LRCH4: variants seen among roughly 807,000 people sequenced by gnomAD.
LRCH4 encodes the protein leucine rich repeats and calponin homology domain containing 4, also known as leucine-rich repeat and calponin homology domain-containing protein 4.
In LRCH4, 56 loss-of-function variants were observed where a neutral mutation model predicts 81.2. That is an observed-to-expected ratio of 0.69 (90% CI 0.56 to 0.86). The LOEUF is 0.86. Ranked by LOEUF, LRCH4 falls within the 40% of genes least tolerant of loss-of-function variation. The pLI is 0.00. For missense variants in LRCH4, 895 were observed against 922.8 expected (o/e 0.97, Z 0.39); for synonymous variants, 442 against 409.7 (o/e 1.08, Z -0.95).
Position 100,575,083 on chromosome 7 carries a change from G to T in LRCH4, c.*24C>A, listed in dbSNP as rs1473575028. 2 of 1,593,082 alleles carry T rather than the reference G, an allele frequency of 1.3e-6. No homozygotes were observed. On this transcript the variant is annotated 3_prime_UTR_variant, in exon 18 of 18. Coordinates refer to ENST00000310300, the MANE Select transcript of LRCH4 (RefSeq NM_002319.5). This position sits in a 1 kb window ranked among gnomAD's most constrained non-coding sequence, Gnocchi z 5.3. ...TATAAATAGAGAGGAAGGGAAAGGG[G>T]TGAGGGAGGGCCGATTTTGGGGCCT...
At position 100,574,996 on chromosome 7, in the gene LRCH4, G is replaced by T. The variant is rs1032918102; in HGVS notation, c.*111C>A. 22 of 1,008,922 alleles carry T rather than the reference G, an allele frequency of 2.2e-5. No individual in the cohort carries two copies. Among genetic ancestry groups the T allele is most frequent in the Non-Finnish European group, 2.9e-5 (20 of 691,100 alleles). The allele number at this position is 1,008,922 out of a possible 1,614,324, so 62.5% of individuals were successfully genotyped here. ...TGAGGTCAGTGTCTGTGAAGGGGGT[G>T]CACTAGTGTCTTTGGTTGGGGCTGA... is the stretch of plus-strand genomic sequence containing the variant. On this transcript the variant is annotated 3_prime_UTR_variant, in exon 18 of 18. Coordinates refer to ENST00000310300, the MANE Select transcript of LRCH4 (RefSeq NM_002319.5).
rs1193775558 is a variant in LRCH4, at chr7:100,581,867, C to A, written c.508G>T (p.Glu170Ter). Residue 170 changes from glutamate (E) to a stop codon, truncating the protein, a stop_gained, in exon 4 of 18, where the codon GAG (glutamate) becomes TAG (stop). Transcript: ENST00000310300. LOFTEE classifies it high-confidence loss of function. ...AGTTCCGAGGGCAGGGATTGGAGCT[C>A]GTTGCTGCTCACGTCCTGGTATCAG... ...SLRQLDVSSN[E>*]LQSLPSELCG... 1 of 1,613,996 alleles carries A rather than the reference C, an allele frequency of 6.2e-7. No homozygotes were observed. Among genetic ancestry groups the A allele is most frequent in the African/African-American group, 1.3e-5 (1 of 74,912 alleles).
In LRCH4 at chr7:100,576,973, C is replaced by A. The variant is rs748110103; in HGVS notation, c.1397G>T (p.Gly466Val). 2.5e-6 allele frequency: 4 copies of A among 1,601,280 alleles called. No homozygotes were observed. The highest frequency in any genetic ancestry group is 3.4e-6 in the Non-Finnish European group (4 of 1,171,372). Reference protein sequence around the residue: ...GSPKSSASQAGAAAGQGAPAP... With the variant: ...GSPKSSASQAVAAAGQGAPAP... Reference sequence around the variant, plus strand: ...GGGGGCTCCCTGCCCCGCTGCAGCCCCTGCTTGGGAGGCACTGGACTTAGG... The same window carrying A: ...GGGGGCTCCCTGCCCCGCTGCAGCCACTGCTTGGGAGGCACTGGACTTAGG... Residue 466 changes from glycine (G) to valine (V), a missense_variant, in exon 13 of 18, where the codon GGG (glycine) becomes GTG (valine). Gly to Val is a moderately radical substitution (Grantham distance 109, BLOSUM62 -3). Coordinates refer to ENST00000310300, the MANE Select transcript of LRCH4 (RefSeq NM_002319.5).
In LRCH4 at chr7:100,586,033, G is replaced by C; in HGVS notation, c.68C>G (p.Pro23Arg). The change falls in exon 1 of 18, where the codon CCC becomes CGC. Residue 23 changes from proline to arginine, a missense_variant. Physicochemically the swap from Pro to Arg is moderately radical, Grantham distance 103. Transcript: ENST00000310300. The stretch of plus-strand genomic sequence containing the variant: ...TCTCCCCGGCAGACCTGGAGACCCG[G>C]GCACGGAGGTCGTGGCTGCCGCCTC... ...GEEAAATTSV[P>R]GSPGLPGRRS... The C allele has an allele frequency of 6.3e-7, 1 of 1,599,290 alleles. No individual in the cohort carries two copies. The highest frequency in any genetic ancestry group is 2.3e-5 in the East Asian group (1 of 43,940).
chr7:100,581,384 G>A (rs914061326), intron 4 of LRCH4, among the ~76,000 whole-genome samples: 5 of 152,226 alleles, frequency 3.3e-5, no homozygotes, highest in African/African-American at 9.6e-5. Flanking sequence ...GTTATGGACT[G>A]AAATGTGTCA....
chr7:100,585,154 C>A (rs1562811083), intron 1 of LRCH4: 1 of 197,378 alleles, frequency 5.1e-6, no homozygotes, highest in Non-Finnish European at 1.1e-5. Context: ...AGTCCCTCCC[C>A]CGGGGGAAAG....
chr7:100,574,253 T>C lies in LRCH4; in HGVS notation c.*854A>G. On this transcript the variant is annotated 3_prime_UTR_variant, in exon 18 of 18. Coordinates refer to ENST00000310300, the MANE Select transcript of LRCH4 (RefSeq NM_002319.5). ...GGCCCTGTGCCCCCACCTTCACCCC[T>C]AAGGCCGGTCCAGCAGGGCGTGGAC... 1 of 194,052 alleles carries C rather than the reference T, an allele frequency of 5.2e-6. No individual in the cohort carries two copies. The highest frequency in any genetic ancestry group is 1.1e-5 in the Non-Finnish European group (1 of 89,662). 12.0% of individuals were successfully genotyped at this position (194,052 alleles called of 1,614,324 possible).
chr7:100,581,024 TG>T (rs1288261614), intron 4 of LRCH4, among the ~76,000 whole-genome samples: 1 of 152,224 alleles, frequency 6.6e-6, no homozygotes, highest in Non-Finnish European at 1.5e-5. Context: ...ATGGGCCACC[TG>T]GGCTCTGGCA....
rs1440171980 is a variant in LRCH4, at chr7:100,578,180, G to A, written c.927C>T (p.Ser309=). ...DSGFHSVDSG[S]KRWSGNESTD... ...TTACCTCATTTCCAGACCACCTCTT[G>A]CTGCCACTATCAACGCTGTGGAAGC... is the stretch of plus-strand genomic sequence containing the variant. The change falls in exon 7 of 18, where the codon AGC becomes AGT. Residue 309 remains serine, a synonymous_variant. Coordinates refer to ENST00000310300, the MANE Select transcript of LRCH4 (RefSeq NM_002319.5). The surrounding 1 kb of genome is among the most constrained non-coding windows in gnomAD (Gnocchi z 5.7). 6.2e-7 allele frequency: 1 copy of A among 1,614,110 alleles called. No individual in the cohort carries two copies. Among genetic ancestry groups the A allele is most frequent in the South Asian group, 1.1e-5 (1 of 91,080 alleles).
chr7:100,576,582 C>G, intron 14 of LRCH4, 112 bp downstream of exon 14: 5 of 963,058 alleles, frequency 5.2e-6, no homozygotes, highest in Admixed American at 5.0e-5. Context: ...GGATTTTCAA[C>G]GCAAAGGTAC....
Position 100,582,196 on chromosome 7 carries a change from G to A in LRCH4, c.366-29C>T. 6.2e-7 allele frequency: 1 copy of A among 1,613,450 alleles called. No homozygotes were observed. Among genetic ancestry groups the A allele is most frequent in the Non-Finnish European group, 8.5e-7 (1 of 1,179,888 alleles). The stretch of plus-strand genomic sequence containing the variant: ...TGGAAGGGAGAAAGGCAGCGGACTG[G>A]CTCCCCAGGCATGGCATCCCAGCAC... On this transcript the variant is annotated intron_variant, in intron 2 of 17. Coordinates refer to ENST00000310300, the MANE Select transcript of LRCH4 (RefSeq NM_002319.5). This position sits in a 1 kb window ranked among gnomAD's most constrained non-coding sequence, Gnocchi z 5.0.
At position 100,577,048 on chromosome 7, in the gene LRCH4, G is replaced by C. The variant is rs1336855205; in HGVS notation, c.1364+38C>G. 5.0e-6 allele frequency: 8 copies of C among 1,614,066 alleles called. No homozygotes were observed. Among genetic ancestry groups the C allele is most frequent in the Non-Finnish European group, 5.9e-6 (7 of 1,179,906 alleles). Reference sequence around the variant, plus strand: ...GGAATTAGAGGGATGATGGTCATAGGAAGAGGAGTGGGGAGGGGATGCTGG... The same window carrying C: ...GGAATTAGAGGGATGATGGTCATAGCAAGAGGAGTGGGGAGGGGATGCTGG... On this transcript the variant is annotated intron_variant, in intron 12 of 17. Transcript: ENST00000310300. The surrounding 1 kb of genome is among the most constrained non-coding windows in gnomAD (Gnocchi z 6.7).
At chr7:100,581,939 C>T (rs1370649170) in intron 3 of LRCH4, 57 bp from the exon 4 acceptor site, 1 of 1,609,778 alleles carries the variant, frequency 6.2e-7, no homozygotes, top group African/African-American at 1.3e-5. Context: ...CAGAACCCAC[C>T]CTCCCATCTC....
chr7:100,582,162 T>C lies in LRCH4; in HGVS notation c.371A>G (p.Asn124Ser), dbSNP rs1469307623. 2.5e-6 allele frequency: 4 copies of C among 1,613,298 alleles called. No individual in the cohort carries two copies. Among genetic ancestry groups the C allele is most frequent in the Non-Finnish European group, 8.5e-7 (1 of 1,179,896 alleles). The stretch of plus-strand genomic sequence containing the variant: ...GTAGGGTGGCAGCAGCGACAGCTGG[T>C]TTCGGCTGTGGAAGGGAGAAAGGCA... ...TALTYLNLSRNQLSLLPPYIC... is the reference protein window; with the variant it reads ...TALTYLNLSRSQLSLLPPYIC... The change falls in exon 3 of 18, where the codon AAC becomes AGC. Residue 124 changes from asparagine to serine, a missense_variant. Physicochemically the swap from Asn to Ser is conservative, Grantham distance 46 (BLOSUM62 1). Around this residue, in one of 3 missense-constraint regions of LRCH4, gnomAD observed 360 missense variants for 397.0 expected, o/e 0.91. Transcript: ENST00000310300. This position sits in a 1 kb window ranked among gnomAD's most constrained non-coding sequence, Gnocchi z 5.0.
At position 100,574,794 on chromosome 7, in the gene LRCH4, A is replaced by C; in HGVS notation, c.*313T>G. 3 of 306,464 alleles carry C rather than the reference A, an allele frequency of 9.8e-6. No homozygotes were observed. The highest frequency in any genetic ancestry group is 7.5e-5 in the South Asian group (1 of 13,350). The allele number at this position is 306,464 out of a possible 1,614,324, so 19.0% of individuals were successfully genotyped here. Reference sequence around the variant, plus strand: ...GCTGTTGGGGGGGGAAGGGGAGGGCACAGGAGGAAGGGGGAGACTCCAGCT... The same window carrying C: ...GCTGTTGGGGGGGGAAGGGGAGGGCCCAGGAGGAAGGGGGAGACTCCAGCT... On this transcript the variant is annotated 3_prime_UTR_variant, in exon 18 of 18. Transcript: ENST00000310300.
chr7:100,577,824 G>A lies in LRCH4; in HGVS notation c.1037C>T (p.Ser346Leu). 6.2e-7 allele frequency: 1 copy of A among 1,612,882 alleles called. No homozygotes were observed. Among genetic ancestry groups the A allele is most frequent in the South Asian group, 1.1e-5 (1 of 91,004 alleles). The change falls in exon 8 of 18, where the codon TCA (serine) becomes TTA (leucine). Residue 346 changes from serine to leucine, a missense_variant and splice_region_variant. Ser to Leu is a moderately radical substitution (Grantham distance 145, BLOSUM62 -2). Coordinates refer to ENST00000310300, the MANE Select transcript of LRCH4 (RefSeq NM_002319.5). This position sits in a 1 kb window ranked among gnomAD's most constrained non-coding sequence, Gnocchi z 6.7. ...TCCCGGCCAGCCCTGCTACTCACCT[G>A]AGCCATCCTCCTTGCGTTCTCTGGG... Reference protein sequence around the residue: ...RGPRERKEDGSADGDPVQIDF... With the variant: ...RGPRERKEDGLADGDPVQIDF...
At position 100,586,022 on chromosome 7, in the gene LRCH4, CTGGA is replaced by C. The variant is rs1801734213; in HGVS notation, c.75_78del (p.Pro26ValfsTer12). 2.5e-6 allele frequency: 4 copies of C among 1,604,806 alleles called. No homozygotes were observed. The highest frequency in any genetic ancestry group is 3.4e-6 in the Non-Finnish European group (4 of 1,175,902). On this transcript the variant is annotated frameshift_variant, in exon 1 of 18. Coordinates refer to ENST00000310300, the MANE Select transcript of LRCH4 (RefSeq NM_002319.5). LOFTEE classifies it high-confidence loss of function. ...TCTGCACTGCGTCTCCCCGGCAGACCTGGAGACCCGGGCACGGAGGTCGTGGCTG... is the reference window on the plus strand; with the variant it reads ...TCTGCACTGCGTCTCCCCGGCAGACCGACCCGGGCACGGAGGTCGTGGCTG...
Position 100,575,553 on chromosome 7 carries a change from G to T in LRCH4, c.1854+152C>A, listed in dbSNP as rs1584402745. 2.1e-6 allele frequency: 2 copies of T among 967,714 alleles called. No individual in the cohort carries two copies. Among genetic ancestry groups the T allele is most frequent in the East Asian group, 4.8e-5 (2 of 41,922 alleles). The allele number at this position is 967,714 out of a possible 1,614,324, so 59.9% of individuals were successfully genotyped here. A position where few individuals can be genotyped will look rare whatever the true frequency, so the allele number is the denominator to read the frequency against. ...GGACAGGTGACATGCAGGGCAGGGG[G>T]CATGCAGGGCAGGGGGCATGCTGGG... On this transcript the variant is annotated intron_variant, in intron 17 of 17. Coordinates refer to ENST00000310300, the MANE Select transcript of LRCH4 (RefSeq NM_002319.5). The surrounding 1 kb of genome is among the most constrained non-coding windows in gnomAD (Gnocchi z 5.3).
rs759368234 is a variant in LRCH4 at position 100,582,356 on chromosome 7, TG to T, written c.323del (p.Pro108GlnfsTer31). 6.2e-7 allele frequency: 1 copy of T among 1,614,076 alleles called. No homozygotes were observed. The highest frequency in any genetic ancestry group is 8.5e-7 in the Non-Finnish European group (1 of 1,180,016). ...LYHNCLRCLN[P>X]ALGNLTALTY... The stretch of plus-strand genomic sequence containing the variant: ...TGAGGGCTGTGAGATTCCCCAAGGC[TG>T]GGTTCAGGCATCTCAGGCAATTGTG... On this transcript the variant is annotated frameshift_variant, in exon 2 of 18. Coordinates refer to ENST00000310300, the MANE Select transcript of LRCH4 (RefSeq NM_002319.5). LOFTEE classifies it high-confidence loss of function. The surrounding 1 kb of genome is among the most constrained non-coding windows in gnomAD (Gnocchi z 5.0).
Sources: allele counts gnomAD v4.1 joint callset (sites outside exome capture counted in the v4.1 genomes callset), GRCh38; gene constraint gnomAD v4.1.1; regional missense constraint gnomAD v4.1.1; non-coding constraint Gnocchi (gnomAD v3.1); transcripts MANE v1.5; gene names NCBI Gene and HGNC (gene_info 2026-07-23, HGNC 2026-07-21).